The following SMCHD1 variants were observed in gnomAD, a reference collection of about 807,000 sequenced individuals.
The protein encoded by SMCHD1 is structural maintenance of chromosomes flexible hinge domain-containing protein 1.
Under a neutral mutation model 254.7 loss-of-function variants are expected in SMCHD1, and 78 were observed. The observed-to-expected ratio is 0.31, with a 90% CI of 0.26 to 0.37. The LOEUF is 0.37. Ranked by LOEUF, SMCHD1 falls within the 10% of genes least tolerant of loss-of-function variation. SMCHD1 has a pLI of 1.00. For synonymous variants in SMCHD1, 766 were observed against 794.9 expected (o/e 0.96, Z 0.61); for missense variants, 1,840 against 2,408.1 (o/e 0.76, Z 4.94).
rs972758947 is a variant in SMCHD1, at chr18:2,718,096, C to T, written c.2261-62C>T. On this transcript the variant is annotated intron_variant, in intron 17 of 47. Transcript: ENST00000320876. This position sits in a 1 kb window ranked among gnomAD's most constrained non-coding sequence, Gnocchi z 4.6. Reference sequence around the variant, plus strand: ...GGTATTTGGTGCCAATGTGACATTGCGTATTTCATGTTTTACGTTGAATTT... The same window carrying T: ...GGTATTTGGTGCCAATGTGACATTGTGTATTTCATGTTTTACGTTGAATTT... 31 of 1,294,918 alleles carry T rather than the reference C, an allele frequency of 2.4e-5. No individual in the cohort carries two copies. The African/African-American group carries it at 3.0e-4, about 12-fold the overall frequency. The allele number at this position is 1,294,918 out of a possible 1,614,324, so 80.2% of individuals were successfully genotyped here.
chr18:2,766,489 C>T (rs2075871469), intron 37 of SMCHD1, among the ~76,000 whole-genome samples: 1 of 152,216 alleles, frequency 6.6e-6, no homozygotes, highest in Admixed American at 6.5e-5. Flanking sequence ...AACTCAAGTC[C>T]TTCTTGGCTC....
intron 25 of SMCHD1, 28 bp downstream of exon 25, chr18:2,732,520 T>C: frequency 7.0e-7 from 1 of 1,420,002 alleles, no homozygotes; most frequent in Non-Finnish European, 9.6e-7. Context: ...ATTGGTTATT[T>C]GTAAGAACTT....
At chr18:2,719,929 C>A (rs559307748) in intron 19 of SMCHD1, among the ~76,000 whole-genome samples, 17 of 152,342 alleles carry the variant, frequency 1.1e-4, no homozygotes, top group Non-Finnish European at 2.5e-4. Context: ...CCAGCCTCGG[C>A]CTCCCAAAGT....
intron 8 of SMCHD1, among the ~76,000 whole-genome samples, chr18:2,695,156 G>A (rs2074259596): frequency 6.6e-6 from 1 of 151,980 alleles, no homozygotes; most frequent in Non-Finnish European, 1.5e-5. Context: ...AATGCATCAA[G>A]CCTATTAAAA....
At position 2,753,707 on chromosome 18, in the gene SMCHD1, A is replaced by G. The variant is rs543315707; in HGVS notation, c.4346+1155A>G. 8.6e-5 allele frequency among the ~76,000 whole-genome samples: 13 copies of G among 152,004 alleles called. No individual in the cohort carries two copies. In the East Asian group the frequency reaches 2.1e-3, roughly 25 times the overall value. On this transcript the variant is annotated intron_variant, in intron 34 of 47. Transcript: ENST00000320876. ...CAGGAATGTGCTGCCATGCCCAGCA[A>G]ATTTATTTATTTATTTATTTTGTGT...
chr18:2,684,151 T>C (rs1402222505), intron 5 of SMCHD1, among the ~76,000 whole-genome samples: 1 of 152,018 alleles, frequency 6.6e-6, no homozygotes, highest in African/African-American at 2.4e-5. Flanking sequence ...AAGAGAGAGA[T>C]CCTGTCAGAC....
intron 7 of SMCHD1, among the ~76,000 whole-genome samples, chr18:2,689,450 A>T (rs989489234): frequency 1.3e-4 from 19 of 151,830 alleles, no homozygotes; most frequent in African/African-American, 4.6e-4. Context: ...TGAACTCCTG[A>T]CCTCAAGTGA....
At chr18:2,710,862 G>A (rs1221090647) in intron 17 of SMCHD1, among the ~76,000 whole-genome samples, 1 of 152,168 alleles carries the variant, frequency 6.6e-6, no homozygotes, top group Non-Finnish European at 1.5e-5. Flanking sequence ...TCCTTGTGTA[G>A]TGTTTTTATC....
At chr18:2,708,331 C>G (rs530132483) in intron 17 of SMCHD1, among the ~76,000 whole-genome samples, 1 of 152,160 alleles carries the variant, frequency 6.6e-6, no homozygotes, top group Admixed American at 6.5e-5. Context: ...GCATTTCTTC[C>G]TGGAGGTTCT....
At chr18:2,698,809 C>G (rs1254907845) in intron 10 of SMCHD1, among the ~76,000 whole-genome samples, 1 of 151,852 alleles carries the variant, frequency 6.6e-6, no homozygotes, top group Non-Finnish European at 1.5e-5. Context: ...ACAAAGTTCC[C>G]ATAAGTACAT....
chr18:2,755,741 G>C (rs1166752505), intron 34 of SMCHD1, among the ~76,000 whole-genome samples: 1 of 151,340 alleles, frequency 6.6e-6, no homozygotes, highest in Non-Finnish European at 1.5e-5. Context: ...CTAATTTTTT[G>C]TATTTTTAGT....
In SMCHD1 at chr18:2,769,787, G is replaced by C. The variant is rs1299215590; in HGVS notation, c.4813G>C (p.Glu1605Gln). The change falls in exon 38 of 48, where the codon GAA becomes CAA. Residue 1605 changes from glutamate (E) to glutamine (Q), a missense_variant. Physicochemically the swap from Glu to Gln is conservative, Grantham distance 29 (BLOSUM62 2). This residue lies in a region of SMCHD1 where 881 missense variants were observed against 1,009.5 expected (regional missense o/e 0.87). Coordinates refer to ENST00000320876, the MANE Select transcript of SMCHD1 (RefSeq NM_015295.3). ...GCTACCACTTTTATCAAGAACCTTA[G>C]AACCATATATCCTACCGTTCATGTT... ...PRLPLLSRTL[E>Q]PYILPFMFYN... 6.2e-7 allele frequency: 1 copy of C among 1,605,226 alleles called. No homozygotes were observed. Among genetic ancestry groups the C allele is most frequent in the East Asian group, 2.2e-5 (1 of 44,724 alleles).
Position 2,703,981 on chromosome 18 carries a change from A to T in SMCHD1, c.1842+95A>T, listed in dbSNP as rs556732330. On this transcript the variant is annotated intron_variant, in intron 13 of 47. Transcript: ENST00000320876. ...CATGTATAGAAAATAAGCTATTTTT[A>T]AAAATTTCTTTTTTTCCCATTCTCA... 2.4e-4 allele frequency: 248 copies of T among 1,050,464 alleles called. 1 individual carries two copies. The highest frequency in any genetic ancestry group is 1.3e-3 in the Middle Eastern group (4 of 3,156). The allele number at this position is 1,050,464 out of a possible 1,614,324, so 65.1% of individuals were successfully genotyped here.
chr18:2,792,167 C>A (rs1163248252), intron 45 of SMCHD1, among the ~76,000 whole-genome samples: 1 of 152,154 alleles, frequency 6.6e-6, no homozygotes, highest in African/African-American at 2.4e-5. Context: ...AACAGCAATA[C>A]TGTCATGTGC....
At chr18:2,748,380 G>GTAAATTTTTTTTTTTTTTTTTTTTTTTT (rs200345949) in intron 30 of SMCHD1, among the ~76,000 whole-genome samples, 1 of 80,278 alleles carries the variant, frequency 1.2e-5, no homozygotes, top group Non-Finnish European at 2.2e-5. Flanking sequence ...GTGTGTGTGT[G>GTAAATTTTTTTTTTTTTTTTTTTTTTTT]TGTATATAAA....
At chr18:2,766,086 C>T (rs377692496) in intron 37 of SMCHD1, among the ~76,000 whole-genome samples, 18 of 152,128 alleles carry the variant, frequency 1.2e-4, no homozygotes, top group African/African-American at 3.1e-4. Flanking sequence ...CTCTGCCTCC[C>T]GGGTTCACGC....
chr18:2,742,075 G>A (rs914685233), intron 28 of SMCHD1, among the ~76,000 whole-genome samples: 1 of 152,120 alleles, frequency 6.6e-6, no homozygotes, highest in African/African-American at 2.4e-5. Flanking sequence ...ACCAAATCCA[G>A]GGGTCAATTT....
chr18:2,682,231 C>T (rs1464848988), intron 5 of SMCHD1, among the ~76,000 whole-genome samples: 1 of 151,776 alleles, frequency 6.6e-6, no homozygotes, highest in Non-Finnish European at 1.5e-5. Flanking sequence ...GTTACTCTAC[C>T]CTGGCTTCCT....
chr18:2,705,676 T>TA lies in SMCHD1; in HGVS notation c.1843-18_1843-17insA, dbSNP rs761012092. The stretch of plus-strand genomic sequence containing the variant: ...CTTAATACTGAAGCTTTTTTTTTTT[T>TA]TAAAAACTAAATATTAGGTCAAGAC... On this transcript the variant is annotated splice_polypyrimidine_tract_variant and intron_variant, in intron 13 of 47. Coordinates refer to ENST00000320876, the MANE Select transcript of SMCHD1 (RefSeq NM_015295.3). 7.0e-5 allele frequency: 88 copies of TA among 1,252,872 alleles called. 1 individual carries two copies. In the East Asian group the frequency reaches 8.0e-4, roughly 11 times the overall value. The allele number at this position is 1,252,872 out of a possible 1,614,324, so 77.6% of individuals were successfully genotyped here.
Sources: allele counts gnomAD v4.1 joint callset (sites outside exome capture counted in the v4.1 genomes callset), GRCh38; gene constraint gnomAD v4.1.1; regional missense constraint gnomAD v4.1.1; non-coding constraint Gnocchi (gnomAD v3.1); transcripts MANE v1.5; gene names NCBI Gene and HGNC (gene_info 2026-07-23, HGNC 2026-07-21).